The following MYG1 variants were observed in gnomAD, a reference collection of about 807,000 sequenced individuals.
MYG1 encodes MYG1 exonuclease, also known as UPF0160 protein MYG1, mitochondrial.
MYG1 carries 36 observed loss-of-function variants against 43.5 expected under a neutral mutation model. The observed-to-expected ratio is 0.83, with a 90% CI of 0.63 to 1.09. MYG1 has a LOEUF of 1.09. Ranked by LOEUF, MYG1 falls within the 50% of genes least tolerant of loss-of-function variation. The pLI is 0.00. For synonymous variants in MYG1, 220 were observed against 202.8 expected (o/e 1.08, Z -0.72); for missense variants, 529 against 495.1 (o/e 1.07, Z -0.65).
chr12:53,306,514 T>C (rs970471126), intron 5 of MYG1, 166 bp from the exon 6 acceptor site: 2 of 1,064,452 alleles, frequency 1.9e-6, no homozygotes, highest in Admixed American at 2.8e-5. Flanking sequence ...CAGCTAATTT[T>C]TGTATTTTTT....
At chr12:53,301,723 C>G (rs779833528) in intron 2 of MYG1, among the ~76,000 whole-genome samples, 2 of 152,222 alleles carry the variant, frequency 1.3e-5, no homozygotes, top group Non-Finnish European at 2.9e-5. Flanking sequence ...GGAGTCTCGT[C>G]TGTCACCCAG....
At chr12:53,303,726 C>T (rs2121062352) in intron 3 of MYG1, 1 of 153,852 alleles carries the variant, frequency 6.5e-6, no homozygotes, top group East Asian at 1.9e-4. Flanking sequence ...GGCTAGTGGC[C>T]CTGGCATGCA....
chr12:53,305,882 G>A (rs1171108238), intron 3 of MYG1, 26 bp from the exon 4 acceptor site: 1 of 1,562,348 alleles, frequency 6.4e-7, no homozygotes, highest in South Asian at 1.2e-5. Flanking sequence ...GTAGCCTCAA[G>A]AAGGTTTCCC....
chr12:53,303,464 A>G (rs1026401609), intron 3 of MYG1: 10 of 371,394 alleles, frequency 2.7e-5, no homozygotes, highest in Non-Finnish European at 4.4e-5. Flanking sequence ...CCGTCTTTTT[A>G]TTGACACACA....
chr12:53,300,342 A>G, intron 2 of MYG1, 80 bp downstream of exon 2: 1 of 1,061,720 alleles, frequency 9.4e-7, no homozygotes, highest in Non-Finnish European at 1.3e-6. Context: ...CCACTGCCGT[A>G]GTCCGCGTCA....
Position 53,306,787 on chromosome 12 carries a change from T to G in MYG1, c.873T>G (p.Phe291Leu), listed in dbSNP as rs900040967. 1.9e-6 allele frequency: 3 copies of G among 1,614,026 alleles called. No homozygotes were observed. Among genetic ancestry groups the G allele is most frequent in the Non-Finnish European group, 2.5e-6 (3 of 1,179,996 alleles). Residue 291 changes from phenylalanine to leucine, a missense_variant, in exon 6 of 7, where the codon TTT (phenylalanine) becomes TTG (leucine). Phe to Leu is a conservative substitution (Grantham distance 22). Transcript: ENST00000267103. ...TGTCCCCTCCAGTGGCCATCTTCTT[T>G]GTTATCTACACTGACCAGGCTGGAC... ...SGLSPPVAIF[F>L]VIYTDQAGQW...
intron 2 of MYG1, among the ~76,000 whole-genome samples, chr12:53,302,109 G>A (rs916607083): frequency 2.0e-5 from 3 of 152,140 alleles, no homozygotes; most frequent in African/African-American, 7.2e-5. Flanking sequence ...AGCTTCCCAA[G>A]AAGCTGGGAC....
At chr12:53,303,260 A>C in intron 3 of MYG1, 67 bp downstream of exon 3, 1 of 1,560,104 alleles carries the variant, frequency 6.4e-7, no homozygotes, top group Non-Finnish European at 8.7e-7. Flanking sequence ...AGCAGTGCTC[A>C]CACAGCACTC....
At chr12:53,306,438 G>A (rs1944282350) in intron 5 of MYG1, 118 bp downstream of exon 5, 6 of 1,444,446 alleles carry the variant, frequency 4.2e-6, no homozygotes, top group Non-Finnish European at 5.6e-6. Flanking sequence ...CAACCTCTTA[G>A]GCTCAAGCAG....
At position 53,300,235 on chromosome 12, in the gene MYG1, G is replaced by A. The variant is rs1336382425; in HGVS notation, c.302G>A (p.Arg101Gln). ...VVDVGGEYDPRRHRYDHHQRS... is the reference protein window; with the variant it reads ...VVDVGGEYDPQRHRYDHHQRS... ...GACGTGGGGGGCGAGTACGACCCTC[G>A]GAGACACCGATATGACCATCACCAG... The change falls in exon 2 of 7, where the codon CGG becomes CAG. Residue 101 changes from arginine to glutamine, a missense_variant. By Grantham distance (43) the Arg-to-Gln change is conservative. Coordinates refer to ENST00000267103, the MANE Select transcript of MYG1 (RefSeq NM_021640.4). 3 of 1,595,654 alleles carry A rather than the reference G, an allele frequency of 1.9e-6. No homozygotes were observed. The highest frequency in any genetic ancestry group is 1.7e-6 in the Non-Finnish European group (2 of 1,171,298).
Position 53,299,811 on chromosome 12 carries a change from T to C in MYG1, c.74T>C (p.Met25Thr), listed in dbSNP as rs147422356. 1.2e-6 allele frequency: 2 copies of C among 1,613,990 alleles called. No individual in the cohort carries two copies. Among genetic ancestry groups the C allele is most frequent in the African/African-American group, 2.7e-5 (2 of 74,916 alleles). The change falls in exon 1 of 7, where the codon ATG becomes ACG. Residue 25 changes from methionine to threonine, a missense_variant. Physicochemically the swap from Met to Thr is moderately conservative, Grantham distance 81. Transcript: ENST00000267103. ...CCACCCCTGTATACCCGGCACCGCA[T>C]GCTCGGTCCAGAGTCCGTCCCGCCC... ...PPPPLYTRHR[M>T]LGPESVPPPK...
chr12:53,307,091 C>T lies in MYG1; in HGVS notation c.1073C>T (p.Ala358Val), dbSNP rs965236600. 1 of 1,614,072 alleles carries T rather than the reference C, an allele frequency of 6.2e-7. No individual in the cohort carries two copies. The highest frequency in any genetic ancestry group is 1.3e-5 in the African/African-American group (1 of 74,944). Residue 358 changes from alanine to valine, a missense_variant, in exon 7 of 7, where the codon GCC becomes GTC. By Grantham distance (64) the Ala-to-Val change is moderately conservative. Coordinates refer to ENST00000267103, the MANE Select transcript of MYG1 (RefSeq NM_021640.4). Reference protein sequence around the residue: ...FTGGHHTREGALSMARATLAQ... With the variant: ...FTGGHHTREGVLSMARATLAQ... ...GGCGGTCACCACACCCGAGAGGGTG[C>T]CTTGAGCATGGCCCGTGCCACCTTG...
intron 2 of MYG1, among the ~76,000 whole-genome samples, chr12:53,300,632 A>G (rs1944222219): frequency 6.6e-6 from 1 of 152,242 alleles, no homozygotes; most frequent in South Asian, 2.1e-4. Context: ...AGTTGGTGAC[A>G]GTTCAGATGT....
In MYG1 at chr12:53,305,985, T is replaced by C. The variant is rs1944274629; in HGVS notation, c.567T>C (p.Tyr189=). The C allele has an allele frequency of 6.2e-7, 1 of 1,614,108 alleles. No individual in the cohort carries two copies. Among genetic ancestry groups the C allele is most frequent in the Non-Finnish European group, 8.5e-7 (1 of 1,180,012 alleles). ...AGTGGGCAGAGGGGGAGCCTCGATA[T>C]GCACTGACCACTACCCTGAGTGCAC... ...ISQWAEGEPR[Y]ALTTTLSARV... The change falls in exon 4 of 7, where the codon TAT becomes TAC. Residue 189 remains tyrosine, a synonymous_variant. Coordinates refer to ENST00000267103, the MANE Select transcript of MYG1 (RefSeq NM_021640.4).
chr12:53,300,036 G>A, intron 1 of MYG1, 83 bp downstream of exon 1: 1 of 1,564,146 alleles, frequency 6.4e-7, no homozygotes, highest in Non-Finnish European at 8.7e-7. Flanking sequence ...GGGTCACTCC[G>A]ATAGCGCCCG....
In MYG1 at chr12:53,306,199, C is replaced by A. The variant is rs752446227; in HGVS notation, c.644C>A (p.Ala215Glu). 6 of 1,614,206 alleles carry A rather than the reference C, an allele frequency of 3.7e-6. No homozygotes were observed. In the South Asian group the frequency reaches 5.5e-5, roughly 15 times the overall value. The change falls in exon 5 of 7, where the codon GCA becomes GAA. Residue 215 changes from alanine to glutamate, a missense_variant and splice_region_variant. Transcript: ENST00000267103. ...GGTTCTAATTCTCATCATTCCCAGG[C>A]AGGGTTCAAGCGTGCAATGGATCTG... ...TWNHPDQDTEAGFKRAMDLVQ... is the reference protein window; with the variant it reads ...TWNHPDQDTEEGFKRAMDLVQ...
chr12:53,299,697 C>T lies in MYG1; in HGVS notation c.-41C>T, dbSNP rs1019734781. ...AAGTGGGGCTGCGCTGGCGCTTCCT[C>T]TTCCGGGTCGGCGCTCCTGCCTCCC... is the stretch of plus-strand genomic sequence containing the variant. On this transcript the variant is annotated 5_prime_UTR_variant, in exon 1 of 7. Coordinates refer to ENST00000267103, the MANE Select transcript of MYG1 (RefSeq NM_021640.4). The T allele has an allele frequency of 6.4e-6, 10 of 1,555,932 alleles. No individual in the cohort carries two copies. The highest frequency in any genetic ancestry group is 5.8e-5 in the South Asian group (5 of 86,834).
chr12:53,300,294 C>T, intron 2 of MYG1, 32 bp downstream of exon 2: 1 of 1,475,046 alleles, frequency 6.8e-7, no homozygotes, highest in Non-Finnish European at 9.2e-7. Context: ...ATTTAACTTC[C>T]TTGACCTCAG....
In MYG1 at chr12:53,305,922, T is replaced by C. The variant is rs374242491; in HGVS notation, c.504T>C (p.Phe168=). ...TGCTGCCTTAGATGTATGAGAACTT[T>C]GTGGAGGAGGTGGATGCTGTGGACA... ...GTLYDKMYEN[F]VEEVDAVDNG... The change falls in exon 4 of 7, where the codon TTT becomes TTC. Residue 168 remains phenylalanine, a synonymous_variant. Coordinates refer to ENST00000267103, the MANE Select transcript of MYG1 (RefSeq NM_021640.4). 2 of 1,604,672 alleles carry C rather than the reference T, an allele frequency of 1.2e-6. No individual in the cohort carries two copies. The highest frequency in any genetic ancestry group is 2.7e-5 in the African/African-American group (2 of 74,442).
Sources: gnomAD v4.1 joint callset for allele counts (sites outside exome capture counted in the v4.1 genomes callset) on GRCh38, gnomAD v4.1.1 for gene constraint, MANE v1.5 for transcripts, NCBI Gene and HGNC (gene_info 2026-07-23, HGNC 2026-07-21) for gene names.